The following RITA1 variants were observed in gnomAD, a reference collection of about 807,000 sequenced individuals.
The protein encoded by RITA1 is RBPJ-interacting and tubulin-associated protein 1.
RITA1 carries 15 observed loss-of-function variants against 8.7 expected under a neutral mutation model. The observed-to-expected ratio is 1.72, with a 90% CI of 1.15 to 2.65. RITA1 has a LOEUF of 2.65. RITA1 is among the 30% of genes most tolerant of loss of function. The probability of loss-of-function intolerance (pLI) is 0.00; values close to 1 mark genes in which losing one functional copy is unlikely to be tolerated. For synonymous variants in RITA1, 145 were observed against 156.2 expected (o/e 0.93, Z 0.53); for missense variants, 330 against 363.8 (o/e 0.91, Z 0.76).
At chr12:113,189,359 G>A (rs1406562427) in intron 3 of RITA1, among the ~76,000 whole-genome samples, 1 of 152,076 alleles carries the variant, frequency 6.6e-6, no homozygotes, top group African/African-American at 2.4e-5. Flanking sequence ...AGGGTCAGGT[G>A]GAGATTAGCA....
Position 113,185,988 on chromosome 12 carries a change from G to T in RITA1, c.-230G>T. Reference sequence around the variant, plus strand: ...GAAGAAGGTGCGGGGACGGGTCCCTGAGGATCCCGATGCCTACGAGCCAAG... The same window carrying T: ...GAAGAAGGTGCGGGGACGGGTCCCTTAGGATCCCGATGCCTACGAGCCAAG... On this transcript the variant is annotated 5_prime_UTR_variant, in exon 1 of 4. It removes the in-frame stop codon of an upstream open reading frame in the 5' UTR. Transcript: ENST00000548278. 6.5e-7 allele frequency: 1 copy of T among 1,535,902 alleles called. No homozygotes were observed. Among genetic ancestry groups the T allele is most frequent in the Non-Finnish European group, 8.7e-7 (1 of 1,146,724 alleles).
chr12:113,186,806 C>T lies in RITA1; in HGVS notation c.60C>T (p.Arg20=). 2.5e-6 allele frequency: 4 copies of T among 1,613,822 alleles called. No homozygotes were observed. The highest frequency in any genetic ancestry group is 3.4e-6 in the Non-Finnish European group (4 of 1,180,004). ...SGMQTLGLQH[R]CRGGYRVKAR... ...TGCAGACCCTCGGCCTTCAGCACCGCTGCCGAGGTGGCTACCGGGTCAAGG... is the reference window on the plus strand; with the variant it reads ...TGCAGACCCTCGGCCTTCAGCACCGTTGCCGAGGTGGCTACCGGGTCAAGG... Residue 20 remains arginine, a synonymous_variant, in exon 3 of 4, where the codon CGC becomes CGT. Coordinates refer to ENST00000548278, the MANE Select transcript of RITA1 (RefSeq NM_032848.3).
rs932558505 is a variant in RITA1 at position 113,185,892 on chromosome 12, C to T, written c.-326C>T. ...GGTCCGGGGCCCCAGGCATTCCGGG[C>T]TGCAGATTGACGGGGATCCCGGATG... On this transcript the variant is annotated 5_prime_UTR_variant, in exon 1 of 4. Coordinates refer to ENST00000548278, the MANE Select transcript of RITA1 (RefSeq NM_032848.3). The T allele has an allele frequency of 1.1e-5, 15 of 1,408,196 alleles. No individual in the cohort carries two copies. In the Admixed American group the frequency reaches 3.2e-4, roughly 30 times the overall value. The allele number at this position is 1,408,196 out of a possible 1,614,324, so 87.2% of individuals were successfully genotyped here. A position where few individuals can be genotyped will look rare whatever the true frequency, so the allele number is the denominator to read the frequency against.
At position 113,191,033 on chromosome 12, in the gene RITA1, G is replaced by T. The variant is rs761496086; in HGVS notation, c.303-277G>T. Among the ~76,000 whole-genome samples, 3 of 152,238 alleles carry T rather than the reference G, an allele frequency of 2.0e-5. No individual in the cohort carries two copies. The highest frequency in any genetic ancestry group is 2.0e-4 in the Admixed American group (3 of 15,286). On this transcript the variant is annotated intron_variant, in intron 3 of 3. Coordinates refer to ENST00000548278, the MANE Select transcript of RITA1 (RefSeq NM_032848.3). This position sits in a 1 kb window ranked among gnomAD's most constrained non-coding sequence, Gnocchi z 4.0. ...ACCAATCCATGTGGCCAGGAGGATG[G>T]AATATGCAAATTGTCCAGGCCTGGG...
At chr12:113,186,338 G>T in intron 2 of RITA1, 22 bp downstream of exon 2, 1 of 1,376,938 alleles carries the variant, frequency 7.3e-7, no homozygotes, top group South Asian at 1.7e-5. Context: ...ATCCACGCTG[G>T]CTGTCATTGC....
intron 3 of RITA1, among the ~76,000 whole-genome samples, chr12:113,189,780 A>G (rs935116988): frequency 2.0e-5 from 3 of 150,652 alleles, no homozygotes; most frequent in African/African-American, 7.3e-5. Context: ...TCAGGCCTGT[A>G]GTCCCAGCAC....
Position 113,191,448 on chromosome 12 carries a change from C to T in RITA1, c.441C>T (p.Thr147=). 1 of 1,607,004 alleles carries T rather than the reference C, an allele frequency of 6.2e-7. No homozygotes were observed. Among genetic ancestry groups the T allele is most frequent in the South Asian group, 1.1e-5 (1 of 90,818 alleles). Residue 147 remains threonine (T), a synonymous_variant, in exon 4 of 4, where the codon ACC becomes ACT. Coordinates refer to ENST00000548278, the MANE Select transcript of RITA1 (RefSeq NM_032848.3). This position sits in a 1 kb window ranked among gnomAD's most constrained non-coding sequence, Gnocchi z 4.0. ...LRALLWTPPP[T]PRGSHSPRPR... Reference sequence around the variant, plus strand: ...CTCTCTTGTGGACGCCACCACCTACCCCCAGGGGTAGCCACTCGCCCCGCC... The same window carrying T: ...CTCTCTTGTGGACGCCACCACCTACTCCCAGGGGTAGCCACTCGCCCCGCC...
Position 113,191,583 on chromosome 12 carries a change from C to A in RITA1, c.576C>A (p.Arg192=). 1 of 1,614,112 alleles carries A rather than the reference C, an allele frequency of 6.2e-7. No homozygotes were observed. Among genetic ancestry groups the A allele is most frequent in the Non-Finnish European group, 8.5e-7 (1 of 1,180,002 alleles). Residue 192 remains arginine, a synonymous_variant, in exon 4 of 4, where the codon CGC becomes CGA. Transcript: ENST00000548278. The surrounding 1 kb of genome is among the most constrained non-coding windows in gnomAD (Gnocchi z 4.0). ...KLSMGGLHSS[R]PLKRGLSHSL... The stretch of plus-strand genomic sequence containing the variant: ...CTATGGGTGGGTTACACTCTTCACG[C>A]CCCCTGAAGCGGGGACTTTCCCATT...
chr12:113,189,644 T>C (rs1449276993), intron 3 of RITA1, among the ~76,000 whole-genome samples: 1 of 151,240 alleles, frequency 6.6e-6, no homozygotes, highest in East Asian at 1.9e-4. Context: ...TTCAAAGACT[T>C]GCAGTTTGGG....
At chr12:113,190,170 A>G (rs1219584614) in intron 3 of RITA1, among the ~76,000 whole-genome samples, 1 of 151,910 alleles carries the variant, frequency 6.6e-6, no homozygotes, top group East Asian at 1.9e-4. Flanking sequence ...CGTCTCTACT[A>G]AAAATACAAA....
In RITA1 at chr12:113,187,037, G is replaced by C; in HGVS notation, c.291G>C (p.Lys97Asn). 6.3e-7 allele frequency: 1 copy of C among 1,591,128 alleles called. No individual in the cohort carries two copies. Among genetic ancestry groups the C allele is most frequent in the Non-Finnish European group, 8.6e-7 (1 of 1,168,078 alleles). The change falls in exon 3 of 4, where the codon AAG becomes AAC. Residue 97 changes from lysine to asparagine, a missense_variant. Transcript: ENST00000548278. ...GSTPTLTPRK[K>N]NKYRPISHTP... ...CCCCCACCCTCACACCAAGGAAGAA[G>C]AACAAATACAGGTAATGGGGTAGGG...
rs1315235595 is a variant in RITA1 at position 113,192,156 on chromosome 12, C to T, written c.*339C>T. ...TGCGAATAAACGGCGTGATTGCCAACCTGGAGGGTCCCCTCTTATCCCTTC... is the reference window on the plus strand; with the variant it reads ...TGCGAATAAACGGCGTGATTGCCAATCTGGAGGGTCCCCTCTTATCCCTTC... On this transcript the variant is annotated 3_prime_UTR_variant, in exon 4 of 4. Transcript: ENST00000548278. 8 of 243,496 alleles carry T rather than the reference C, an allele frequency of 3.3e-5. No homozygotes were observed. The highest frequency in any genetic ancestry group is 1.6e-4 in the African/African-American group (7 of 44,508). The allele number at this position is 243,496 out of a possible 1,614,324, so 15.1% of individuals were successfully genotyped here.
rs1952547353 is a variant in RITA1, at chr12:113,187,049, G to T, written c.302+1G>T. The T allele has an allele frequency of 1.3e-6, 2 of 1,567,494 alleles. No individual in the cohort carries two copies. The highest frequency in any genetic ancestry group is 2.7e-5 in the African/African-American group (2 of 73,896). ...CACCAAGGAAGAAGAACAAATACAG[G>T]TAATGGGGTAGGGAGATGCAAATCC... On this transcript the variant is annotated splice_donor_variant, in intron 3 of 3. Transcript: ENST00000548278. LOFTEE classifies it high-confidence loss of function.
In RITA1 at chr12:113,192,144, C is replaced by T. The variant is rs1043845; in HGVS notation, c.*327C>T. The stretch of plus-strand genomic sequence containing the variant: ...CTTGCTGCCAAGTGCGAATAAACGG[C>T]GTGATTGCCAACCTGGAGGGTCCCC... On this transcript the variant is annotated 3_prime_UTR_variant, in exon 4 of 4. Coordinates refer to ENST00000548278, the MANE Select transcript of RITA1 (RefSeq NM_032848.3). 178,025 of 257,740 alleles carry T rather than the reference C, an allele frequency of 0.69. 63,837 individuals are homozygous for T. The highest frequency in any genetic ancestry group is 0.87 in the African/African-American group (39,246 of 45,190). The allele number at this position is 257,740 out of a possible 1,614,324, so 16.0% of individuals were successfully genotyped here. A position where few individuals can be genotyped will look rare whatever the true frequency, so the allele number is the denominator to read the frequency against.
Position 113,191,470 on chromosome 12 carries a change from C to T in RITA1, c.463C>T (p.Arg155Cys), listed in dbSNP as rs1251384095. 18 of 1,604,156 alleles carry T rather than the reference C, an allele frequency of 1.1e-5. No homozygotes were observed. The highest frequency in any genetic ancestry group is 1.4e-5 in the Non-Finnish European group (17 of 1,172,846). ...PPTPRGSHSP[R>C]PREAPLRAIH... ...TACCCCCAGGGGTAGCCACTCGCCC[C>T]GCCCCAGGGAGGCACCACTGCGAGC... Residue 155 changes from arginine (R) to cysteine (C), a missense_variant, in exon 4 of 4, where the codon CGC becomes TGC. By Grantham distance (180) the Arg-to-Cys change is radical. Transcript: ENST00000548278. The surrounding 1 kb of genome is among the most constrained non-coding windows in gnomAD (Gnocchi z 4.0).
Position 113,191,960 on chromosome 12 carries a change from G to A in RITA1, c.*143G>A. The A allele has an allele frequency of 9.4e-7, 1 of 1,063,922 alleles. No individual in the cohort carries two copies. The highest frequency in any genetic ancestry group is 1.3e-6 in the Non-Finnish European group (1 of 752,984). 65.9% of individuals were successfully genotyped at this position (1,063,922 alleles called of 1,614,324 possible). A position where few individuals can be genotyped will look rare whatever the true frequency, so the allele number is the denominator to read the frequency against. Reference sequence around the variant, plus strand: ...GACAGACATAGCAGGGGTGGGCAGTGCCTCCCTTTATCCTGACAATCTCTA... The same window carrying A: ...GACAGACATAGCAGGGGTGGGCAGTACCTCCCTTTATCCTGACAATCTCTA... On this transcript the variant is annotated 3_prime_UTR_variant, in exon 4 of 4. Transcript: ENST00000548278. This position sits in a 1 kb window ranked among gnomAD's most constrained non-coding sequence, Gnocchi z 4.0.
Position 113,191,876 on chromosome 12 carries a change from G to A in RITA1, c.*59G>A. On this transcript the variant is annotated 3_prime_UTR_variant, in exon 4 of 4. Coordinates refer to ENST00000548278, the MANE Select transcript of RITA1 (RefSeq NM_032848.3). The surrounding 1 kb of genome is among the most constrained non-coding windows in gnomAD (Gnocchi z 4.0). The stretch of plus-strand genomic sequence containing the variant: ...GCGACAGGTATGGCCCCTTGCCAGG[G>A]TAGGAGGACATTCATCACCCAGGGA... 6.6e-7 allele frequency: 1 copy of A among 1,519,020 alleles called. No individual in the cohort carries two copies. The highest frequency in any genetic ancestry group is 8.8e-7 in the Non-Finnish European group (1 of 1,133,562). The allele number at this position is 1,519,020 out of a possible 1,614,324, so 94.1% of individuals were successfully genotyped here. A position where few individuals can be genotyped will look rare whatever the true frequency, so the allele number is the denominator to read the frequency against.
chr12:113,186,940 G>A lies in RITA1; in HGVS notation c.194G>A (p.Gly65Asp). The A allele has an allele frequency of 1.2e-6, 2 of 1,614,102 alleles. No individual in the cohort carries two copies. The highest frequency in any genetic ancestry group is 1.7e-6 in the Non-Finnish European group (2 of 1,180,004). The change falls in exon 3 of 4, where the codon GGC becomes GAC. Residue 65 changes from glycine (G) to aspartate (D), a missense_variant. Gly to Asp is a moderately conservative substitution (Grantham distance 94). Coordinates refer to ENST00000548278, the MANE Select transcript of RITA1 (RefSeq NM_032848.3). Reference protein sequence around the residue: ...PWVEKANRTRGVGKEASKALG... With the variant: ...PWVEKANRTRDVGKEASKALG... ...GTGGAGAAGGCTAACAGAACCAGAG[G>A]CGTGGGCAAGGAGGCATCGAAGGCC...
chr12:113,187,087 A>G, intron 3 of RITA1, 39 bp downstream of exon 3: 1 of 1,485,934 alleles, frequency 6.7e-7, no homozygotes, highest in Non-Finnish European at 9.0e-7. Context: ...TACTCAGTGC[A>G]GCCACCTGGA....
Sources: gnomAD v4.1 joint callset for allele counts (sites outside exome capture counted in the v4.1 genomes callset) on GRCh38, gnomAD v4.1.1 for gene constraint, Gnocchi (gnomAD v3.1) non-coding constraint, MANE v1.5 for transcripts, NCBI Gene and HGNC (gene_info 2026-07-23, HGNC 2026-07-21) for gene names.